Variants in CLIC5 observed in about 807,000 individuals in gnomAD.
CLIC5 encodes CLIC family member 5.
A neutral mutation model predicts 24.7 loss-of-function variants in CLIC5; 20 were observed. The observed-to-expected ratio is 0.81, with a 90% CI of 0.57 to 1.18. The LOEUF (loss-of-function observed/expected upper bound fraction) is 1.18. Ranked by LOEUF, CLIC5 falls within the 50% of genes most tolerant of loss-of-function variation. CLIC5 has a pLI of 0.00. For synonymous variants in CLIC5, 159 were observed against 135.6 expected (o/e 1.17, Z -1.20); for missense variants, 341 against 326.1 (o/e 1.05, Z -0.35).
the CLIC5 span, among the ~76,000 whole-genome samples, chr6:46,118,184 C>T: frequency 8.8e-4 from 134 of 152,348 alleles, no homozygotes; most frequent in Non-Finnish European, 1.5e-3. Context: ...TCTTGCTTAG[C>T]ATTTATGCTG....
chr6:46,072,551 G>GA (rs1277518359), intron 1 of CLIC5, among the ~76,000 whole-genome samples: 1 of 152,130 alleles, frequency 6.6e-6, no homozygotes, highest in African/African-American at 2.4e-5. Context: ...TCTCTTGGGG[G>GA]AAAAATTGCA....
At chr6:45,939,517 G>C (rs1425875784) in intron 4 of CLIC5, among the ~76,000 whole-genome samples, 1 of 152,110 alleles carries the variant, frequency 6.6e-6, no homozygotes, top group Non-Finnish European at 1.5e-5. Flanking sequence ...AAGAACAACA[G>C]TCATTGGATT....
intron 1 of CLIC5, among the ~76,000 whole-genome samples, chr6:46,009,501 A>G (rs1233697442): frequency 5.3e-5 from 8 of 152,166 alleles, no homozygotes; most frequent in Non-Finnish European, 1.0e-4. Context: ...TAGGAAACTC[A>G]TGCTTAACCA....
At chr6:46,058,515 A>G (rs1461040877) in intron 1 of CLIC5, among the ~76,000 whole-genome samples, 2 of 152,244 alleles carry the variant, frequency 1.3e-5, no homozygotes, top group African/African-American at 4.8e-5. Context: ...GATTCATTTT[A>G]ACAAAGAAAA....
chr6:46,086,877 A>C, the CLIC5 span, among the ~76,000 whole-genome samples: 1 of 152,142 alleles, frequency 6.6e-6, no homozygotes, highest in Non-Finnish European at 1.5e-5. Flanking sequence ...CACTGTGCAC[A>C]TGCCACTCTC....
intron 5 of CLIC5, 98 bp from the exon 6 acceptor site, chr6:45,903,353 C>A: frequency 9.4e-7 from 1 of 1,058,608 alleles, no homozygotes; most frequent in Non-Finnish European, 1.3e-6. Flanking sequence ...CTGCAGGAAA[C>A]CTCCGTGCAT....
chr6:46,124,516 G>A, the CLIC5 span, among the ~76,000 whole-genome samples: 4 of 152,290 alleles, frequency 2.6e-5, no homozygotes, highest in African/African-American at 9.6e-5. Flanking sequence ...ATAGGCATGG[G>A]CAAGGACTTC....
At chr6:46,026,340 CT>C (rs759501678) in intron 1 of CLIC5, among the ~76,000 whole-genome samples, 1 of 152,124 alleles carries the variant, frequency 6.6e-6, no homozygotes, top group Non-Finnish European at 1.5e-5. Context: ...ATGCATCGCT[CT>C]CCAATTTAGA....
At chr6:45,918,508 A>G (rs1178317880) in intron 4 of CLIC5, among the ~76,000 whole-genome samples, 1 of 152,238 alleles carries the variant, frequency 6.6e-6, no homozygotes, top group Non-Finnish European at 1.5e-5. Context: ...CAAAATTCAC[A>G]TGGAGAGGAG....
At chr6:46,016,055 G>A (rs868516122), upstream of CLIC5, among the ~76,000 whole-genome samples, 31 of 151,746 alleles carry the variant, frequency 2.0e-4, no homozygotes, top group African/African-American at 6.1e-4. Flanking sequence ...GGATGTCCTG[G>A]GGGCGGATAA....
At chr6:45,993,033 T>C (rs181858283) in intron 1 of CLIC5, among the ~76,000 whole-genome samples, 3 of 152,220 alleles carry the variant, frequency 2.0e-5, no homozygotes, top group East Asian at 3.9e-4. Flanking sequence ...AGGTTTCCCA[T>C]CAATAACCAA....
At chr6:45,914,530 C>T in intron 4 of CLIC5, 121 bp from the exon 5 acceptor site, 1 of 1,296,010 alleles carries the variant, frequency 7.7e-7, no homozygotes, top group Non-Finnish European at 9.8e-7. Context: ...TGCCAGCTCC[C>T]CACACACTGC....
upstream of CLIC5, among the ~76,000 whole-genome samples, chr6:46,081,979 A>G (rs1375718216): frequency 3.3e-5 from 5 of 152,330 alleles, no homozygotes; most frequent in East Asian, 7.7e-4. Flanking sequence ...GATATACTAC[A>G]TATCTGTTTG....
At chr6:46,095,995 T>C in the CLIC5 span, among the ~76,000 whole-genome samples, 4 of 152,254 alleles carry the variant, frequency 2.6e-5, no homozygotes, top group South Asian at 8.3e-4. Context: ...AGAGGTTTAA[T>C]TGACTCACTG....
chr6:46,117,191 T>C, the CLIC5 span, among the ~76,000 whole-genome samples: 3 of 152,168 alleles, frequency 2.0e-5, no homozygotes, highest in African/African-American at 7.2e-5. Context: ...CATGGTGTCC[T>C]GTCAGCTGTA....
intron 5 of CLIC5, among the ~76,000 whole-genome samples, chr6:45,909,601 C>A (rs1274818373): frequency 1.3e-5 from 2 of 152,092 alleles, no homozygotes; most frequent in Non-Finnish European, 2.9e-5. Flanking sequence ...TGAAAATAGG[C>A]CCTCAATCTC....
At position 45,881,167 on chromosome 6, in the gene CLIC5, C is replaced by G. The variant is rs1428781350; in HGVS notation, c.645G>C (p.Lys215Asn). ...TGCTTCTTCCTCTACTCCATGCCCCCTTTTTTTCAACAAAAAGAAAGCTGA... is the reference window on the plus strand; with the variant it reads ...TGCTTCTTCCTCTACTCCATGCCCCGTTTTTTTCAACAAAAAGAAAGCTGA... Residue 215 changes from lysine to asparagine, a missense_variant, in exon 7 of 7, where the codon AAG becomes AAC. By Grantham distance (94) the Lys-to-Asn change is moderately conservative (BLOSUM62 0). Coordinates refer to the CLIC5 transcript ENST00000644324. 8 of 397,904 alleles carry G rather than the reference C, an allele frequency of 2.0e-5. No homozygotes were observed. The Admixed American group carries it at 3.5e-4, about 18-fold the overall frequency. 24.6% of individuals were successfully genotyped at this position (397,904 alleles called of 1,614,324 possible).
At chr6:46,113,433 A>G in the CLIC5 span, among the ~76,000 whole-genome samples, 2 of 152,150 alleles carry the variant, frequency 1.3e-5, no homozygotes, top group African/African-American at 4.8e-5. Context: ...GCAGCTTTGC[A>G]AACAGGTGAT....
chr6:45,887,026 A>G (rs1046872965), intron 6 of CLIC5, among the ~76,000 whole-genome samples: 1 of 152,200 alleles, frequency 6.6e-6, no homozygotes, highest in Non-Finnish European at 1.5e-5. Context: ...ACAGAATGCT[A>G]AAATCCCACC....
Sources: gnomAD v4.1 joint callset for allele counts (sites outside exome capture counted in the v4.1 genomes callset) on GRCh38, gnomAD v4.1.1 for gene constraint, MANE v1.5 for transcripts, NCBI Gene and HGNC (gene_info 2026-07-23, HGNC 2026-07-21) for gene names.